The following ECT2L variants were observed in gnomAD, a reference collection of about 807,000 sequenced individuals.
The protein encoded by ECT2L is epithelial cell transforming 2 like.
In ECT2L, 126 loss-of-function variants were observed where a neutral mutation model predicts 122.8. That is an observed-to-expected ratio of 1.03 (90% CI 0.89 to 1.19). The LOEUF (loss-of-function observed/expected upper bound fraction) is 1.19, where lower values mean the gene tolerates loss of function less well. Among genes scored for constraint, ECT2L ranks in the 50% most tolerant of loss-of-function variants. The pLI is 0.00. For synonymous variants in ECT2L, 385 were observed against 381.8 expected, an observed-to-expected ratio of 1.01 and a Z score of -0.10; for missense variants, 1,012 against 1,064.1, an observed-to-expected ratio of 0.95 and a Z score of 0.68.
chr6:138,873,134 T>C (rs779457528), intron 13 of ECT2L, among the ~76,000 whole-genome samples: 1 of 152,212 alleles, frequency 6.6e-6, no homozygotes, highest in South Asian at 2.1e-4. Context: ...GGCTGAAAGT[T>C]CCTCATTGCT....
At position 138,843,136 on chromosome 6, in the gene ECT2L, T is replaced by G; in HGVS notation, c.500T>G (p.Leu167Arg). 1 of 1,614,094 alleles carries G rather than the reference T, an allele frequency of 6.2e-7. No homozygotes were observed. The highest frequency in any genetic ancestry group is 8.5e-7 in the Non-Finnish European group (1 of 1,179,976). ...GAGGCTGCTGCTACTTATGGGACGCTGAATGAACCCAAAACAGAAGATGAG... is the reference window on the plus strand; with the variant it reads ...GAGGCTGCTGCTACTTATGGGACGCGGAATGAACCCAAAACAGAAGATGAG... The part of the protein sequence containing the change: ...PREAAATYGT[L>R]NEPKTEDEEL... The change falls in exon 6 of 22, where the codon CTG becomes CGG. Residue 167 changes from leucine (L) to arginine (R), a missense_variant. Physicochemically the swap from Leu to Arg is moderately radical, Grantham distance 102. Coordinates refer to ENST00000541398, the MANE Select transcript of ECT2L (RefSeq NM_001077706.3).
At chr6:138,848,980 T>A (rs1021810620) in intron 8 of ECT2L, among the ~76,000 whole-genome samples, 2 of 152,202 alleles carry the variant, frequency 1.3e-5, no homozygotes, top group African/African-American at 4.8e-5. Flanking sequence ...AAGTTATTTA[T>A]ATGTCTTTGT....
Position 138,885,738 on chromosome 6 carries a change from G to C in ECT2L, c.2167G>C (p.Val723Leu), listed in dbSNP as rs779313799. 2.7e-5 allele frequency: 43 copies of C among 1,614,042 alleles called. No homozygotes were observed. The South Asian group carries it at 3.2e-4, about 12-fold the overall frequency. ...AGAATACCTTAATCTTCTCTACGCTGTCAGGCTTCATACCCCTGCAGAGCA... is the reference window on the plus strand; with the variant it reads ...AGAATACCTTAATCTTCTCTACGCTCTCAGGCTTCATACCCCTGCAGAGCA... ...FEEYLNLLYA[V>L]RLHTPAEHVD... The change falls in exon 18 of 22, where the codon GTC becomes CTC. Residue 723 changes from valine (V) to leucine (L), a missense_variant. Coordinates refer to ENST00000541398, the MANE Select transcript of ECT2L (RefSeq NM_001077706.3).
chr6:138,836,445 T>G (rs1231031638), intron 4 of ECT2L, among the ~76,000 whole-genome samples: 2 of 151,902 alleles, frequency 1.3e-5, no homozygotes, highest in Non-Finnish European at 2.9e-5. Flanking sequence ...TACACCACCA[T>G]GCCCGGCTAA....
chr6:138,797,985 A>T (rs1366550122), intron 1 of ECT2L, among the ~76,000 whole-genome samples: 1 of 152,204 alleles, frequency 6.6e-6, no homozygotes, highest in Non-Finnish European at 1.5e-5. Context: ...TGCTAGAGTG[A>T]CTCACGGAAT....
intron 12 of ECT2L, among the ~76,000 whole-genome samples, chr6:138,866,573 G>A (rs1582634053): frequency 2.0e-5 from 3 of 152,040 alleles, no homozygotes; most frequent in African/African-American, 2.4e-5. Flanking sequence ...TTTTAGTAGA[G>A]ACGGGGTTTC....
chr6:138,864,876 T>A, intron 11 of ECT2L, 120 bp from the exon 12 acceptor site: 1 of 931,958 alleles, frequency 1.1e-6, no homozygotes, highest in South Asian at 2.1e-5. Context: ...AGTCTTCTAA[T>A]GAGAAACGAT....
intron 16 of ECT2L, 119 bp from the exon 17 acceptor site, chr6:138,885,387 G>T: frequency 1.1e-6 from 1 of 874,304 alleles, no homozygotes. Context: ...TCTACTAATT[G>T]GTTAGACATA....
chr6:138,810,102 C>T (rs1363376012), intron 1 of ECT2L, among the ~76,000 whole-genome samples: 3 of 152,200 alleles, frequency 2.0e-5, no homozygotes, highest in African/African-American at 4.8e-5. Context: ...TTACTACAGG[C>T]CACGTTTGCC....
chr6:138,879,104 A>G, intron 14 of ECT2L: 1 of 183,640 alleles, frequency 5.4e-6, no homozygotes, highest in Admixed American at 6.0e-5. Context: ...CTCCACTTCC[A>G]ACTCTGCAGG....
chr6:138,888,201 A>G (rs749572518), intron 19 of ECT2L, among the ~76,000 whole-genome samples: 6 of 152,138 alleles, frequency 3.9e-5, no homozygotes, highest in Non-Finnish European at 8.8e-5. Flanking sequence ...TGAAACTCAG[A>G]GTCTACAAAA....
In ECT2L at chr6:138,830,461, T is replaced by G. The variant is rs139694169; in HGVS notation, c.180-7891T>G. On this transcript the variant is annotated intron_variant, in intron 4 of 21. Transcript: ENST00000541398. Reference sequence around the variant, plus strand: ...TGCAAAAAGGGATGTCAAAAACGAATGGATATAGTCCACAGGCCATACCCC... The same window carrying G: ...TGCAAAAAGGGATGTCAAAAACGAAGGGATATAGTCCACAGGCCATACCCC... Among the ~76,000 whole-genome samples the G allele has an allele frequency of 2.1e-3, 323 of 152,252 alleles. 1 individual carries two copies. The highest frequency in any genetic ancestry group is 7.6e-3 in the African/African-American group (317 of 41,556).
At chr6:138,881,564 TAATAA>T (rs1778648073) in intron 15 of ECT2L, among the ~76,000 whole-genome samples, 1 of 151,658 alleles carries the variant, frequency 6.6e-6, no homozygotes, top group Non-Finnish European at 1.5e-5. Flanking sequence ...TTATAATATA[TAATAA>T]AATAATTATA....
chr6:138,826,635 C>A (rs992707948), intron 4 of ECT2L, among the ~76,000 whole-genome samples: 1 of 152,084 alleles, frequency 6.6e-6, no homozygotes, highest in African/African-American at 2.4e-5. Context: ...TTATAGCACT[C>A]CAGCCTAGGC....
chr6:138,840,508 G>T (rs1429706511), intron 5 of ECT2L, among the ~76,000 whole-genome samples: 3 of 151,704 alleles, frequency 2.0e-5, no homozygotes, highest in Non-Finnish European at 4.4e-5. Flanking sequence ...CTTAGTTTTT[G>T]TGCATCTAAA....
intron 11 of ECT2L, among the ~76,000 whole-genome samples, 188 bp downstream of exon 11, chr6:138,862,907 C>G (rs1188827): frequency 0.84 from 127,957 of 152,244 alleles, 54,022 homozygotes; most frequent in African/African-American, 0.92. Context: ...TTGCTTAGAA[C>G]AGGATTATTT....
At chr6:138,844,962 G>T (rs1020507200) in intron 7 of ECT2L, among the ~76,000 whole-genome samples, 1 of 151,922 alleles carries the variant, frequency 6.6e-6, no homozygotes, top group African/African-American at 2.4e-5. Flanking sequence ...AAGCTATATT[G>T]TGGATGTAGT....
At chr6:138,869,222 G>A (rs948608861) in intron 13 of ECT2L, among the ~76,000 whole-genome samples, 11 of 152,124 alleles carry the variant, frequency 7.2e-5, no homozygotes, top group African/African-American at 2.7e-4. Context: ...GAGGGGAGTC[G>A]GGAATAGAAT....
At chr6:138,829,344 T>A (rs546555927) in intron 4 of ECT2L, among the ~76,000 whole-genome samples, 3 of 152,312 alleles carry the variant, frequency 2.0e-5, no homozygotes. Context: ...TTGTTCATAG[T>A]TTCTAGGAAT....
Sources: gnomAD v4.1 joint callset for allele counts (sites outside exome capture counted in the v4.1 genomes callset) on GRCh38, gnomAD v4.1.1 for gene constraint, MANE v1.5 for transcripts, NCBI Gene and HGNC (gene_info 2026-07-23, HGNC 2026-07-21) for gene names.